The following CELSR1 variants were observed in gnomAD, a reference collection of about 807,000 sequenced individuals.
The protein encoded by CELSR1 is cadherin EGF LAG seven-pass G-type receptor 1, also known as adhesion G protein-coupled receptor C1.
Under a neutral mutation model 249.1 loss-of-function variants are expected in CELSR1, and 110 were observed. That is an observed-to-expected ratio of 0.44 (90% confidence interval 0.38 to 0.52). The LOEUF (loss-of-function observed/expected upper bound fraction) is 0.52. CELSR1 is among the 20% of genes least tolerant of loss of function. CELSR1 has a pLI of 0.00. For synonymous variants in CELSR1, 2,113 were observed against 1,900.0 expected (o/e 1.11, Z -2.92); for missense variants, 4,109 against 4,296.4 (o/e 0.96, Z 1.22).
intron 1 of CELSR1, among the ~76,000 whole-genome samples, chr22:46,515,972 A>G (rs982508653): frequency 1.6e-4 from 24 of 152,318 alleles, no homozygotes; most frequent in African/African-American, 5.1e-4. Flanking sequence ...TACTGGAGAG[A>G]ATGTGGAGAA....
rs368650683 is a variant in CELSR1, at chr22:46,430,170, C to G, written c.4611+3223G>C. Among the ~76,000 whole-genome samples, 135 of 152,336 alleles carry G rather than the reference C, an allele frequency of 8.9e-4. 1 individual carries two copies. The South Asian group carries it at 0.026, about 29-fold the overall frequency. ...CCCACACCTCAGAGACACAGCCACT[C>G]TGGAGGGCGGGGGACAGAGAACGAG... On this transcript the variant is annotated intron_variant, in intron 5 of 34. Transcript: ENST00000674500. The surrounding 1 kb of genome is among the most constrained non-coding windows in gnomAD (Gnocchi z 4.6).
intron 1 of CELSR1, among the ~76,000 whole-genome samples, chr22:46,529,475 G>A (rs915848208): frequency 6.6e-6 from 1 of 151,922 alleles, no homozygotes; most frequent in African/African-American, 2.4e-5. Context: ...GCAGGAGGAA[G>A]GTGGATGGTC....
chr22:46,496,462 G>A (rs985045558), intron 1 of CELSR1, among the ~76,000 whole-genome samples: 19 of 152,098 alleles, frequency 1.2e-4, no homozygotes, highest in African/African-American at 4.1e-4. Context: ...CAGCTACTCA[G>A]GAGGGTGAGG....
rs2079822448 is a variant in CELSR1 at position 46,446,486 on chromosome 22, C to T, written c.4184-7075G>A. Among the ~76,000 whole-genome samples the T allele has an allele frequency of 6.6e-6, 1 of 152,180 alleles. No individual in the cohort carries two copies. The highest frequency in any genetic ancestry group is 2.4e-5 in the African/African-American group (1 of 41,448). On this transcript the variant is annotated intron_variant, in intron 2 of 34. Coordinates refer to ENST00000674500, the MANE Select transcript of CELSR1 (RefSeq NM_001378328.1). This position sits in a 1 kb window ranked among gnomAD's most constrained non-coding sequence, Gnocchi z 5.5. ...GTGTGTTTCTCTCCCCAGCTCTGTG[C>T]AGGCAATGACAGGGTCTGTTTGGGG...
chr22:46,462,713 C>T lies in CELSR1; in HGVS notation c.4183+994G>A, dbSNP rs114858349. On this transcript the variant is annotated intron_variant, in intron 2 of 34. Coordinates refer to ENST00000674500, the MANE Select transcript of CELSR1 (RefSeq NM_001378328.1). ...TTGTAAACTCGCTTATCAAATGAGCCGTCATTTTGTGGAACAGCCAATCAA... is the reference window on the plus strand; with the variant it reads ...TTGTAAACTCGCTTATCAAATGAGCTGTCATTTTGTGGAACAGCCAATCAA... The T allele has an allele frequency of 2.9e-3, 747 of 255,372 alleles. 3 individuals are homozygous for T. Among genetic ancestry groups the T allele is most frequent in the African/African-American group, 0.014 (579 of 42,380 alleles). The allele number at this position is 255,372 out of a possible 1,614,324, so 15.8% of individuals were successfully genotyped here. A position where few individuals can be genotyped will look rare whatever the true frequency, so the allele number is the denominator to read the frequency against.
rs2079291443 is a variant in CELSR1, at chr22:46,408,433, G to C, written c.5226+563C>G. On this transcript the variant is annotated intron_variant, in intron 9 of 34. Transcript: ENST00000674500. The surrounding 1 kb of genome is among the most constrained non-coding windows in gnomAD (Gnocchi z 4.6). Reference sequence around the variant, plus strand: ...TGCAACCTCCGCCTTCCAGATTCAAGTGATTCCCCTGCCTCAGCCTCCCAG... The same window carrying C: ...TGCAACCTCCGCCTTCCAGATTCAACTGATTCCCCTGCCTCAGCCTCCCAG... Among the ~76,000 whole-genome samples, 1 of 152,210 alleles carries C rather than the reference G, an allele frequency of 6.6e-6. No homozygotes were observed. The highest frequency in any genetic ancestry group is 1.5e-5 in the Non-Finnish European group (1 of 68,044).
chr22:46,370,041 GGGGGC>G (rs764534054), intron 25 of CELSR1: 233 of 614,216 alleles, frequency 3.8e-4, no homozygotes, highest in Non-Finnish European at 5.9e-4. Context: ...CCATGAGGCA[GGGGGC>G]GTATCTGGGC....
chr22:46,381,812 G>C lies in CELSR1; in HGVS notation c.7088+34C>G, dbSNP rs370826776. 1.8e-4 allele frequency: 269 copies of C among 1,529,070 alleles called. 1 individual carries two copies. The African/African-American group carries it at 2.6e-3, about 15-fold the overall frequency. 94.7% of individuals were successfully genotyped at this position (1,529,070 alleles called of 1,614,324 possible). Reference sequence around the variant, plus strand: ...GGAAGCCTCAGGAGCCTCCAGAACGGGCCCTCCCCGTGTGCCCCGTGCCCA... The same window carrying C: ...GGAAGCCTCAGGAGCCTCCAGAACGCGCCCTCCCCGTGTGCCCCGTGCCCA... On this transcript the variant is annotated intron_variant, in intron 21 of 34. Transcript: ENST00000674500. The surrounding 1 kb of genome is among the most constrained non-coding windows in gnomAD (Gnocchi z 6.0).
At chr22:46,415,626 T>TA (rs113662013) in intron 5 of CELSR1, among the ~76,000 whole-genome samples, 70 of 141,312 alleles carry the variant, frequency 5.0e-4, no homozygotes, top group Admixed American at 8.6e-4. Context: ...AGGAAAAAAT[T>TA]AAAAAAAAAA....
rs2147730681 is a variant in CELSR1 at position 46,500,405 on chromosome 22, A to G, written c.3544+33222T>C. ...CACATTTACAGCGGTGGCGGTAACC[A>G]TGGAAACTGGCAGTCGGTGCAGGAG... On this transcript the variant is annotated intron_variant, in intron 1 of 34. Transcript: ENST00000674500. The surrounding 1 kb of genome is among the most constrained non-coding windows in gnomAD (Gnocchi z 4.9). Among the ~76,000 whole-genome samples the G allele has an allele frequency of 6.6e-6, 1 of 152,220 alleles. No individual in the cohort carries two copies. Among genetic ancestry groups the G allele is most frequent in the South Asian group, 2.1e-4 (1 of 4,824 alleles).
chr22:46,454,213 C>T lies in CELSR1; in HGVS notation c.4183+9494G>A, dbSNP rs1034804924. 1.1e-4 allele frequency among the ~76,000 whole-genome samples: 17 copies of T among 152,216 alleles called. No individual in the cohort carries two copies. Among genetic ancestry groups the T allele is most frequent in the African/African-American group, 4.1e-4 (17 of 41,532 alleles). On this transcript the variant is annotated intron_variant, in intron 2 of 34. Transcript: ENST00000674500. This position sits in a 1 kb window ranked among gnomAD's most constrained non-coding sequence, Gnocchi z 5.1. Reference sequence around the variant, plus strand: ...AGCTGAGGAAGGCAGAGCAGGAGGCCCTCCCCAGGGCCTCCCGGAGCAGCC... The same window carrying T: ...AGCTGAGGAAGGCAGAGCAGGAGGCTCTCCCCAGGGCCTCCCGGAGCAGCC...
chr22:46,379,893 G>A (rs2078958396), intron 22 of CELSR1, among the ~76,000 whole-genome samples: 1 of 152,170 alleles, frequency 6.6e-6, no homozygotes, highest in South Asian at 2.1e-4. Flanking sequence ...CCCTGACTGT[G>A]CTCCCATCCC....
intron 1 of CELSR1, among the ~76,000 whole-genome samples, chr22:46,477,747 C>T (rs981204017): frequency 5.9e-5 from 9 of 152,040 alleles, no homozygotes; most frequent in African/African-American, 2.2e-4. Context: ...ACCTCATGAT[C>T]CACCCGCCTC....
chr22:46,525,476 C>T (rs764551807), intron 1 of CELSR1, among the ~76,000 whole-genome samples: 121 of 150,030 alleles, frequency 8.1e-4, no homozygotes, highest in Non-Finnish European at 1.5e-3. Context: ...GGGTTGTTTA[C>T]TACAACCCCT....
In CELSR1 at chr22:46,388,036, G is replaced by C. The variant is rs370284651; in HGVS notation, c.6555+1254C>G. Reference sequence around the variant, plus strand: ...TGGAGGCATGAGGCTGTGCTCAGGGGCTTGGGGACCACACCCAAGACAGAA... The same window carrying C: ...TGGAGGCATGAGGCTGTGCTCAGGGCCTTGGGGACCACACCCAAGACAGAA... On this transcript the variant is annotated intron_variant, in intron 18 of 34. Coordinates refer to ENST00000674500, the MANE Select transcript of CELSR1 (RefSeq NM_001378328.1). 1.1e-4 allele frequency among the ~76,000 whole-genome samples: 16 copies of C among 152,254 alleles called. No homozygotes were observed. The East Asian group carries it at 1.9e-3, about 18-fold the overall frequency.
rs1035630380 is a variant in CELSR1 at position 46,506,935 on chromosome 22, G to A, written c.3544+26692C>T. Among the ~76,000 whole-genome samples the A allele has an allele frequency of 2.6e-5, 4 of 152,182 alleles. No individual in the cohort carries two copies. The highest frequency in any genetic ancestry group is 5.9e-5 in the Non-Finnish European group (4 of 68,036). ...TTCCAGGCGGGGCGTGGTGGCTCAC[G>A]TTTGTAATCCCAGCACTTTGGGAGG... On this transcript the variant is annotated intron_variant, in intron 1 of 34. Coordinates refer to ENST00000674500, the MANE Select transcript of CELSR1 (RefSeq NM_001378328.1). This position sits in a 1 kb window ranked among gnomAD's most constrained non-coding sequence, Gnocchi z 4.1.
rs1165093921 is a variant in CELSR1, at chr22:46,424,013, AG to A, written c.4611+9379del. Among the ~76,000 whole-genome samples, 4 of 152,182 alleles carry A rather than the reference AG, an allele frequency of 2.6e-5. 1 individual carries two copies. The South Asian group carries it at 8.3e-4, about 31-fold the overall frequency. ...ACAAGTTTGTTGTTTTGGAGAGCAT[AG>A]GGTTATCCTTCAGAAAAACATATGT... On this transcript the variant is annotated intron_variant, in intron 5 of 34. Transcript: ENST00000674500.
At chr22:46,404,613 G>T (rs2079244969) in intron 9 of CELSR1, among the ~76,000 whole-genome samples, 1 of 151,844 alleles carries the variant, frequency 6.6e-6, no homozygotes, top group African/African-American at 2.4e-5. Context: ...TGGTGGGGGA[G>T]GGGGGCACAC....
chr22:46,505,521 T>A (rs1222481387), intron 1 of CELSR1, among the ~76,000 whole-genome samples: 1 of 151,994 alleles, frequency 6.6e-6, no homozygotes, highest in Non-Finnish European at 1.5e-5. Flanking sequence ...CTGGGGAGGC[T>A]GAGGTGGGAG....
Sources: allele counts gnomAD v4.1 joint callset (sites outside exome capture counted in the v4.1 genomes callset), GRCh38; gene constraint gnomAD v4.1.1; non-coding constraint Gnocchi (gnomAD v3.1); transcripts MANE v1.5; gene names NCBI Gene and HGNC (gene_info 2026-07-23, HGNC 2026-07-21).